The following PTPRK variants were observed in gnomAD, a reference collection of about 807,000 sequenced individuals.
PTPRK encodes protein tyrosine phosphatase receptor type K.
A neutral mutation model predicts 178.0 loss-of-function variants in PTPRK; 75 were observed. That is an observed-to-expected ratio of 0.42 (90% CI 0.35 to 0.51). The LOEUF is 0.51. Among genes scored for constraint, PTPRK ranks in the 20% least tolerant of loss-of-function variants. PTPRK has a pLI of 0.02. For synonymous variants in PTPRK, 637 were observed against 620.6 expected (o/e 1.03, Z -0.39); for missense variants, 1,441 against 1,797.8 (o/e 0.80, Z 3.59).
At position 127,969,183 on chromosome 6, in the gene PTPRK, C is replaced by T. The variant is rs1005454340; in HGVS notation, c.*1044G>A. On this transcript the variant is annotated 3_prime_UTR_variant, in exon 30 of 30. Coordinates refer to ENST00000368226, the MANE Select transcript of PTPRK (RefSeq NM_002844.4). ...GGCCACAGGCTGAAAAACTCCATTC[C>T]TTTAAAATTTAAATGATGCTTAAAG... is the stretch of plus-strand genomic sequence containing the variant. 1.3e-5 allele frequency: 2 copies of T among 152,142 alleles called. No individual in the cohort carries two copies. Among genetic ancestry groups the T allele is most frequent in the Non-Finnish European group, 2.9e-5 (2 of 68,018 alleles). The allele number at this position is 152,142 out of a possible 1,614,324, so 9.4% of individuals were successfully genotyped here.
chr6:128,218,649 T>A (rs535682335), intron 6 of PTPRK, among the ~76,000 whole-genome samples: 6 of 152,352 alleles, frequency 3.9e-5, no homozygotes, highest in South Asian at 2.1e-4. Flanking sequence ...GATGACAATG[T>A]GGAATAAGGT....
chr6:128,431,915 T>G (rs1844880734), intron 1 of PTPRK, among the ~76,000 whole-genome samples: 1 of 152,140 alleles, frequency 6.6e-6, no homozygotes, highest in Non-Finnish European at 1.5e-5. Flanking sequence ...ACCTCCAACT[T>G]TTTTAGACAT....
chr6:128,453,818 T>C (rs1848081299), intron 1 of PTPRK, among the ~76,000 whole-genome samples: 1 of 152,116 alleles, frequency 6.6e-6, no homozygotes, highest in Non-Finnish European at 1.5e-5. Flanking sequence ...CTGAAAACTA[T>C]GATGCATGCA....
chr6:128,196,218 T>C (rs566437998), intron 6 of PTPRK, among the ~76,000 whole-genome samples: 1 of 151,736 alleles, frequency 6.6e-6, no homozygotes, highest in East Asian at 1.9e-4. Flanking sequence ...TCAATATGGT[T>C]ACTATAAGGA....
At chr6:128,128,322 G>A (rs765948694) in intron 7 of PTPRK, among the ~76,000 whole-genome samples, 3 of 152,032 alleles carry the variant, frequency 2.0e-5, no homozygotes, top group Non-Finnish European at 4.4e-5. Context: ...ATCTTCTTTA[G>A]AATCTCACCC....
At chr6:128,288,569 GCT>G (rs1195946324) in intron 3 of PTPRK, among the ~76,000 whole-genome samples, 1 of 152,104 alleles carries the variant, frequency 6.6e-6, no homozygotes, top group East Asian at 1.9e-4. Flanking sequence ...ATGGGATTCA[GCT>G]CTGTTAGAAA....
chr6:128,466,757 A>C (rs1253863893), intron 1 of PTPRK, among the ~76,000 whole-genome samples: 1 of 152,246 alleles, frequency 6.6e-6, no homozygotes, highest in Admixed American at 6.5e-5. Context: ...CAGAAAAGGC[A>C]GAGTATGCTT....
chr6:128,181,476 T>G (rs1801895405), intron 7 of PTPRK, among the ~76,000 whole-genome samples: 1 of 152,076 alleles, frequency 6.6e-6, no homozygotes, highest in Admixed American at 6.6e-5. Flanking sequence ...CAGTCCTAAT[T>G]AAAAAAGAAT....
chr6:128,486,316 T>A (rs887898493), intron 1 of PTPRK, among the ~76,000 whole-genome samples: 2 of 152,136 alleles, frequency 1.3e-5, no homozygotes, highest in Non-Finnish European at 2.9e-5. Context: ...CTTGTCAACA[T>A]CCCTCTTCTG....
At chr6:128,419,245 A>T (rs1843178827) in intron 1 of PTPRK, among the ~76,000 whole-genome samples, 1 of 152,222 alleles carries the variant, frequency 6.6e-6, no homozygotes, top group Admixed American at 6.5e-5. Context: ...CAGACCACGG[A>T]AAGATTAAAA....
At chr6:128,048,715 T>C (rs1369248656) in intron 13 of PTPRK, among the ~76,000 whole-genome samples, 1 of 152,208 alleles carries the variant, frequency 6.6e-6, no homozygotes, top group Admixed American at 6.5e-5. Context: ...GTATTATAAG[T>C]AATCTAGAGA....
At chr6:128,092,459 T>C (rs1381043455) in intron 7 of PTPRK, among the ~76,000 whole-genome samples, 1 of 152,178 alleles carries the variant, frequency 6.6e-6, no homozygotes, top group African/African-American at 2.4e-5. Flanking sequence ...TTTTTCTTAA[T>C]TGGCATGCAC....
At chr6:128,422,628 C>T (rs1843612951) in intron 1 of PTPRK, among the ~76,000 whole-genome samples, 1 of 118,634 alleles carries the variant, frequency 8.4e-6, no homozygotes, top group Non-Finnish European at 1.6e-5. Flanking sequence ...CATGGGAGAA[C>T]ACTTTTTTCC....
intron 6 of PTPRK, among the ~76,000 whole-genome samples, chr6:128,215,198 A>G (rs1371263741): frequency 6.6e-6 from 1 of 152,202 alleles, no homozygotes; most frequent in Middle Eastern, 3.2e-3. Context: ...GGAATCAGAG[A>G]ATTTTATAGA....
rs566065714 is a variant in PTPRK at position 128,005,366 on chromosome 6, A to G, written c.2334-122T>C. ...TTACAAACATGGTTTAGAAACCCCA[A>G]GCACTGGTCACAATTTCAGGAATTA... On this transcript the variant is annotated intron_variant, in intron 14 of 29. Coordinates refer to ENST00000368226, the MANE Select transcript of PTPRK (RefSeq NM_002844.4). The G allele has an allele frequency of 1.4e-4, 112 of 778,708 alleles. No homozygotes were observed. In the African/African-American group the frequency reaches 1.8e-3, roughly 13 times the overall value. 48.2% of individuals were successfully genotyped at this position (778,708 alleles called of 1,614,324 possible).
chr6:128,369,569 G>A (rs954732774), intron 2 of PTPRK, among the ~76,000 whole-genome samples: 2 of 152,022 alleles, frequency 1.3e-5, no homozygotes, highest in African/African-American at 4.8e-5. Flanking sequence ...TGTATTCCAT[G>A]TTCAAAGAAT....
chr6:128,029,194 T>C (rs1025689376), intron 13 of PTPRK, among the ~76,000 whole-genome samples: 3 of 152,068 alleles, frequency 2.0e-5, no homozygotes, highest in Admixed American at 6.6e-5. Flanking sequence ...TTAAAGAGTG[T>C]GGACCTTCCC....
intron 7 of PTPRK, among the ~76,000 whole-genome samples, chr6:128,093,228 T>C (rs1055758967): frequency 2.6e-5 from 4 of 152,056 alleles, no homozygotes; most frequent in African/African-American, 9.7e-5. Context: ...TTTTTTGTTG[T>C]TTTTTGCATT....
chr6:128,204,437 G>C (rs1352496623), intron 6 of PTPRK, among the ~76,000 whole-genome samples: 1 of 151,820 alleles, frequency 6.6e-6, no homozygotes, highest in East Asian at 1.9e-4. Flanking sequence ...TCTAACGAAA[G>C]AACTTCTGCA....
Sources: gnomAD v4.1 joint callset for allele counts (sites outside exome capture counted in the v4.1 genomes callset) on GRCh38, gnomAD v4.1.1 for gene constraint, MANE v1.5 for transcripts, NCBI Gene and HGNC (gene_info 2026-07-23, HGNC 2026-07-21) for gene names.